Variants in CNTNAP2 observed in about 807,000 individuals in gnomAD.
CNTNAP2 encodes contactin associated protein 2, also known as contactin-associated protein-like 2.
In CNTNAP2, 98 loss-of-function variants were observed where a neutral mutation model predicts 155.2. The ratio of observed to expected loss-of-function variants is 0.63; its 90% confidence interval spans 0.54 to 0.75. CNTNAP2 has a LOEUF of 0.75. CNTNAP2 is among the 30% of genes least tolerant of loss of function. The probability of loss-of-function intolerance (pLI) is 0.00; values close to 1 mark genes in which losing one functional copy is unlikely to be tolerated. For synonymous variants in CNTNAP2, 651 were observed against 631.2 expected, an observed-to-expected ratio of 1.03 and a Z score of -0.47; for missense variants, 1,727 against 1,688.1, an observed-to-expected ratio of 1.02 and a Z score of -0.40.
At chr7:147,187,456 A>G (rs1337027405) in intron 8 of CNTNAP2, among the ~76,000 whole-genome samples, 3 of 152,158 alleles carry the variant, frequency 2.0e-5, no homozygotes, top group African/African-American at 7.2e-5. Flanking sequence ...ATTATGTCCT[A>G]TGAAGCAACA....
chr7:148,183,604 C>G (rs754488139), intron 18 of CNTNAP2, among the ~76,000 whole-genome samples: 32 of 151,424 alleles, frequency 2.1e-4, no homozygotes, highest in Non-Finnish European at 4.1e-4. Context: ...ACCTTGGCCC[C>G]CAGAGTAGCT....
intron 1 of CNTNAP2, among the ~76,000 whole-genome samples, chr7:146,734,642 C>A (rs1801581170): frequency 6.6e-6 from 1 of 152,026 alleles, no homozygotes; most frequent in Non-Finnish European, 1.5e-5. Flanking sequence ...GAGGTCTGAA[C>A]CAATATTTTA....
intron 1 of CNTNAP2, among the ~76,000 whole-genome samples, chr7:146,146,812 C>G (rs1475615432): frequency 2.6e-5 from 4 of 152,158 alleles, no homozygotes; most frequent in Non-Finnish European, 5.9e-5. Flanking sequence ...GTAGTAAAGT[C>G]TAATCCAGAT....
intron 1 of CNTNAP2, among the ~76,000 whole-genome samples, chr7:146,515,829 T>C (rs1464498326): frequency 6.6e-6 from 1 of 152,048 alleles, no homozygotes; most frequent in East Asian, 1.9e-4. Flanking sequence ...TGGCTCATTG[T>C]CCAAGAAATC....
intron 1 of CNTNAP2, among the ~76,000 whole-genome samples, chr7:146,497,505 T>G (rs1056804914): frequency 6.6e-6 from 1 of 152,072 alleles, no homozygotes; most frequent in Non-Finnish European, 1.5e-5. Context: ...TTAGCCAACT[T>G]CAGGCTTCTT....
chr7:148,349,968 A>G (rs1222301366), intron 21 of CNTNAP2, among the ~76,000 whole-genome samples: 3 of 152,190 alleles, frequency 2.0e-5, no homozygotes, highest in Non-Finnish European at 2.9e-5. Context: ...AGGGGTTTGA[A>G]GTTTATTATG....
rs553319544 is a variant in CNTNAP2, at chr7:147,461,462, TAATA to T, written c.1671-24469_1671-24466del. On this transcript the variant is annotated intron_variant, in intron 10 of 23. Coordinates refer to ENST00000361727, the MANE Select transcript of CNTNAP2 (RefSeq NM_014141.6). ...GCAATCAGACGATTTTTATGTAAGA[TAATA>T]AATCTGTAGAAGTGAACTGTTTGTA... 6.7e-3 allele frequency among the ~76,000 whole-genome samples: 1,016 copies of T among 152,324 alleles called. 10 individuals carry two copies. Among genetic ancestry groups the T allele is most frequent in the African/African-American group, 0.023 (952 of 41,576 alleles).
chr7:146,985,276 G>C (rs1016310098), intron 3 of CNTNAP2, among the ~76,000 whole-genome samples: 1 of 149,854 alleles, frequency 6.7e-6, no homozygotes, highest in Admixed American at 6.6e-5. Context: ...AAAATACCTA[G>C]ACATAACAAA....
At chr7:147,914,538 C>T (rs1489760046) in intron 14 of CNTNAP2, among the ~76,000 whole-genome samples, 1 of 139,344 alleles carries the variant, frequency 7.2e-6, no homozygotes, top group East Asian at 2.1e-4. Flanking sequence ...GAAACTCCAT[C>T]TAACCAAAAA....
intron 11 of CNTNAP2, among the ~76,000 whole-genome samples, chr7:147,509,763 A>T (rs1798982835): frequency 6.6e-6 from 1 of 152,044 alleles, no homozygotes; most frequent in Non-Finnish European, 1.5e-5. Context: ...TCTTTGATAT[A>T]AAGTTTAATC....
chr7:146,313,968 C>T (rs183193529), intron 1 of CNTNAP2, among the ~76,000 whole-genome samples: 4 of 151,730 alleles, frequency 2.6e-5, no homozygotes, highest in African/African-American at 7.3e-5. Flanking sequence ...CACTGCACTC[C>T]GGTCTGTATG....
At chr7:146,501,964 T>C (rs188707865) in intron 1 of CNTNAP2, among the ~76,000 whole-genome samples, 1 of 152,036 alleles carries the variant, frequency 6.6e-6, no homozygotes, top group Non-Finnish European at 1.5e-5. Context: ...AGGTATTTGT[T>C]TGTGTACCCA....
intron 12 of CNTNAP2, among the ~76,000 whole-genome samples, chr7:147,608,764 G>C (rs147593076): frequency 6.6e-6 from 1 of 152,198 alleles, no homozygotes; most frequent in South Asian, 2.1e-4. Flanking sequence ...GAGCAGCAAG[G>C]CTGTTTATTT....
At chr7:146,219,628 G>T (rs761917484) in intron 1 of CNTNAP2, among the ~76,000 whole-genome samples, 2 of 152,130 alleles carry the variant, frequency 1.3e-5, no homozygotes, top group African/African-American at 2.4e-5. Context: ...TTCTAGGATT[G>T]GTTGTGTTAA....
At chr7:147,282,388 A>G (rs1210663342) in intron 8 of CNTNAP2, among the ~76,000 whole-genome samples, 7 of 151,940 alleles carry the variant, frequency 4.6e-5, no homozygotes, top group Non-Finnish European at 1.0e-4. Context: ...ATTGTGAGCC[A>G]TGGTTTGGAT....
intron 3 of CNTNAP2, among the ~76,000 whole-genome samples, chr7:146,845,476 G>T (rs1421239808): frequency 1.3e-5 from 2 of 152,158 alleles, no homozygotes; most frequent in African/African-American, 2.4e-5. Context: ...TGTAAGTAAA[G>T]AAATTTTTCA....
chr7:146,137,877 A>T (rs1797820362), intron 1 of CNTNAP2, among the ~76,000 whole-genome samples: 1 of 151,914 alleles, frequency 6.6e-6, no homozygotes, highest in South Asian at 2.1e-4. Flanking sequence ...GAAAAGAATT[A>T]TATATACTTA....
At position 148,365,996 on chromosome 7, in the gene CNTNAP2, GCATGTA is replaced by G. The variant is rs1798754478; in HGVS notation, c.3476-17652_3476-17647del. On this transcript the variant is annotated intron_variant, in intron 21 of 23. Coordinates refer to ENST00000361727, the MANE Select transcript of CNTNAP2 (RefSeq NM_014141.6). ...TGTATGCATGTATACATGTGTGTAT[GCATGTA>G]TGCATGTGTGTATGCATGTATGCAT... Among the ~76,000 whole-genome samples, 6 of 1,600 alleles carry G rather than the reference GCATGTA, an allele frequency of 3.7e-3. 3 individuals are homozygous for G. Among genetic ancestry groups the G allele is most frequent in the African/African-American group, 4.3e-3 (6 of 1,400 alleles). The allele number at this position is 1,600 out of a possible 152,430, so 1.0% of individuals were successfully genotyped here.
chr7:147,386,628 A>G (rs1584916890), intron 9 of CNTNAP2, among the ~76,000 whole-genome samples: 1 of 152,244 alleles, frequency 6.6e-6, no homozygotes, highest in East Asian at 1.9e-4. Flanking sequence ...CTCAGCCTGG[A>G]TTTCATTGTC....
Sources: allele counts gnomAD v4.1 joint callset (sites outside exome capture counted in the v4.1 genomes callset), GRCh38; gene constraint gnomAD v4.1.1; transcripts MANE v1.5; gene names NCBI Gene and HGNC (gene_info 2026-07-23, HGNC 2026-07-21).